Variants in COL24A1 observed in about 807,000 individuals in gnomAD.
COL24A1 encodes collagen type XXIV alpha 1 chain.
COL24A1 carries 224 observed loss-of-function variants against 253.9 expected under a neutral mutation model. The observed-to-expected ratio is 0.88, with a 90% CI of 0.79 to 0.99. The LOEUF is 0.99. Ranked by LOEUF, COL24A1 falls within the 50% of genes least tolerant of loss-of-function variation. COL24A1 has a pLI of 0.00. For synonymous variants in COL24A1, 685 were observed against 673.7 expected (o/e 1.02, Z -0.26); for missense variants, 2,131 against 2,068.5 (o/e 1.03, Z -0.59).
chr1:85,926,879 A>C (rs1687313070), intron 24 of COL24A1, among the ~76,000 whole-genome samples: 1 of 152,098 alleles, frequency 6.6e-6, no homozygotes, highest in African/African-American at 2.4e-5. Context: ...TGCACAAAGA[A>C]AGATACAGAA....
At chr1:86,002,523 C>G (rs1695525613) in intron 19 of COL24A1, among the ~76,000 whole-genome samples, 1 of 152,212 alleles carries the variant, frequency 6.6e-6, no homozygotes, top group Non-Finnish European at 1.5e-5. Flanking sequence ...TAGTCACTTA[C>G]AGTTTTCCTG....
At chr1:85,778,953 T>C (rs1668875621) in intron 52 of COL24A1, among the ~76,000 whole-genome samples, 1 of 152,094 alleles carries the variant, frequency 6.6e-6, no homozygotes, top group Non-Finnish European at 1.5e-5. Context: ...TCGTTAAAAG[T>C]TCATCTAGGA....
intron 47 of COL24A1, among the ~76,000 whole-genome samples, chr1:85,796,221 A>G (rs1401054380): frequency 1.3e-5 from 2 of 152,228 alleles, no homozygotes; most frequent in African/African-American, 2.4e-5. Context: ...TTTGACTCAC[A>G]TCAAGGGTAT....
intron 53 of COL24A1, among the ~76,000 whole-genome samples, chr1:85,766,685 A>AT (rs1480553228): frequency 1.3e-5 from 2 of 152,172 alleles, no homozygotes; most frequent in South Asian, 2.1e-4. Context: ...ACTTATTTGC[A>AT]TTTTTTTAAA....
At chr1:85,997,160 A>G (rs947750800) in intron 19 of COL24A1, among the ~76,000 whole-genome samples, 3 of 150,902 alleles carry the variant, frequency 2.0e-5, no homozygotes, top group Non-Finnish European at 4.4e-5. Flanking sequence ...GGCCTTAGAC[A>G]TGTAAGCAAT....
chr1:86,034,314 A>C (rs1698828294), intron 12 of COL24A1, among the ~76,000 whole-genome samples: 1 of 152,192 alleles, frequency 6.6e-6, no homozygotes, highest in Non-Finnish European at 1.5e-5. Context: ...TAAAATAGCT[A>C]GTATTATTAA....
chr1:85,773,828 T>C (rs747961066), intron 53 of COL24A1, among the ~76,000 whole-genome samples: 1 of 152,202 alleles, frequency 6.6e-6, no homozygotes, highest in Non-Finnish European at 1.5e-5. Flanking sequence ...GGAGACAATT[T>C]GACTTCCTCT....
chr1:85,899,940 T>C (rs949554471), intron 28 of COL24A1, among the ~76,000 whole-genome samples: 2 of 152,114 alleles, frequency 1.3e-5, no homozygotes, highest in Non-Finnish European at 2.9e-5. Context: ...CTTTATTAAG[T>C]TTATAATATT....
At chr1:85,742,411 C>T (rs994382249) in intron 57 of COL24A1, among the ~76,000 whole-genome samples, 2 of 152,118 alleles carry the variant, frequency 1.3e-5, no homozygotes, top group Admixed American at 1.3e-4. Flanking sequence ...GGATTACAGG[C>T]ATGAGCCACT....
chr1:86,064,378 A>C (rs990113346), intron 7 of COL24A1, among the ~76,000 whole-genome samples: 4 of 152,176 alleles, frequency 2.6e-5, no homozygotes, highest in Non-Finnish European at 5.9e-5. Flanking sequence ...ATAAATTAAC[A>C]CCCAAAGCTA....
intron 19 of COL24A1, among the ~76,000 whole-genome samples, chr1:85,998,644 C>T (rs1695098383): frequency 6.6e-6 from 1 of 152,220 alleles, no homozygotes; most frequent in Non-Finnish European, 1.5e-5. Flanking sequence ...ATTCCAGTCA[C>T]TCTCTTCAGA....
chr1:85,874,536 A>G (rs1680907660), intron 35 of COL24A1, 113 bp downstream of exon 35: 15 of 880,268 alleles, frequency 1.7e-5, no homozygotes, highest in Non-Finnish European at 2.3e-5. Context: ...AACATTTTCT[A>G]TAATGTATCA....
At chr1:85,810,155 T>C (rs1672384226) in intron 47 of COL24A1, among the ~76,000 whole-genome samples, 1 of 151,928 alleles carries the variant, frequency 6.6e-6, no homozygotes, top group African/African-American at 2.4e-5. Context: ...ACCAAAATGG[T>C]GAAAAAAGTG....
chr1:85,971,053 ATACAAAAAT>A (rs1260514748), intron 21 of COL24A1, among the ~76,000 whole-genome samples: 1 of 152,112 alleles, frequency 6.6e-6, no homozygotes, highest in African/African-American at 2.4e-5. Flanking sequence ...TTTACAAAAA[ATACAAAAAT>A]TAGCCAGGCA....
rs113744507 is a variant in COL24A1 at position 85,836,882 on chromosome 1, C to T, written c.3681+1703G>A. ...GAATGACTGATTGTCCAGAAAACGC[C>T]GGCAGGGCTTTTCTTTGGCTAGCCA... On this transcript the variant is annotated intron_variant, in intron 43 of 59. Transcript: ENST00000370571. Among the ~76,000 whole-genome samples, 334 of 152,260 alleles carry T rather than the reference C, an allele frequency of 2.2e-3. 9 individuals carry two copies. The South Asian group carries it at 0.052, about 23-fold the overall frequency.
intron 35 of COL24A1, among the ~76,000 whole-genome samples, chr1:85,869,911 TAA>T (rs1436089072): frequency 6.6e-6 from 1 of 152,032 alleles, no homozygotes; most frequent in East Asian, 1.9e-4. Flanking sequence ...GCAAACTGGA[TAA>T]AGAGTCAAGA....
In COL24A1 at chr1:85,823,733, A is replaced by G; in HGVS notation, c.3687T>C (p.His1229=). 1 of 1,613,594 alleles carries G rather than the reference A, an allele frequency of 6.2e-7. No homozygotes were observed. Among genetic ancestry groups the G allele is most frequent in the African/African-American group, 1.3e-5 (1 of 75,034 alleles). The stretch of plus-strand genomic sequence containing the variant: ...CACCTCTTAGTCCTGGTACACCCAC[A>G]TGGCCCTAGAAATAGAAAAGATTAC... The part of the protein sequence containing the change: ...GEPGAEGYKG[H]VGVPGLRGAT... Residue 1229 remains histidine (H), a synonymous_variant, in exon 44 of 60, where the codon CAT becomes CAC. Transcript: ENST00000370571.
At chr1:85,873,739 T>C (rs1680807612) in intron 35 of COL24A1, among the ~76,000 whole-genome samples, 1 of 151,970 alleles carries the variant, frequency 6.6e-6, no homozygotes, top group South Asian at 2.1e-4. Context: ...AAATGAGAAG[T>C]TAATGGGTGC....
chr1:85,961,777 C>A (rs374938660), intron 23 of COL24A1, among the ~76,000 whole-genome samples: 3 of 152,104 alleles, frequency 2.0e-5, no homozygotes, highest in African/African-American at 7.2e-5. Context: ...CATGTTGGAG[C>A]AGGAGAGAGT....
Sources: allele counts gnomAD v4.1 joint callset (sites outside exome capture counted in the v4.1 genomes callset), GRCh38; gene constraint gnomAD v4.1.1; transcripts MANE v1.5; gene names NCBI Gene and HGNC (gene_info 2026-07-23, HGNC 2026-07-21).